Variants in DMAC2L observed in about 807,000 individuals in gnomAD.
DMAC2L encodes the protein distal membrane arm assembly component 2 like.
Under a neutral mutation model 22.5 loss-of-function variants are expected in DMAC2L, and 21 were observed. The observed-to-expected ratio is 0.93, with a 90% CI of 0.66 to 1.34. The LOEUF (loss-of-function observed/expected upper bound fraction) is 1.34, where lower values mean the gene tolerates loss of function less well. Among genes scored for constraint, DMAC2L ranks in the 40% most tolerant of loss-of-function variants. The probability of loss-of-function intolerance (pLI) is 0.00; values close to 1 mark genes in which losing one functional copy is unlikely to be tolerated. For synonymous variants in DMAC2L, 86 were observed against 89.5 expected (o/e 0.96, Z 0.22); for missense variants, 239 against 246.5 (o/e 0.97, Z 0.20).
chr14:50,318,235 G>A (rs959319009), intron 2 of DMAC2L, among the ~76,000 whole-genome samples: 4 of 152,144 alleles, frequency 2.6e-5, no homozygotes, highest in African/African-American at 9.7e-5. Flanking sequence ...TATAGAAAGC[G>A]TTCCCAAAGG....
intron 2 of DMAC2L, among the ~76,000 whole-genome samples, chr14:50,319,791 G>A (rs1405108407): frequency 6.6e-6 from 1 of 152,120 alleles, no homozygotes; most frequent in Non-Finnish European, 1.5e-5. Context: ...CTATAACCCT[G>A]TTCTCCTAAT....
At chr14:50,321,995 ATG>A (rs761973341) in intron 3 of DMAC2L, among the ~76,000 whole-genome samples, 5 of 152,222 alleles carry the variant, frequency 3.3e-5, no homozygotes, top group Non-Finnish European at 7.3e-5. Flanking sequence ...ACACTTAGAA[ATG>A]TCATTTTGAA....
chr14:50,312,192 A>ACTTG, upstream of DMAC2L: 7 of 1,604,924 alleles, frequency 4.4e-6, no homozygotes, highest in South Asian at 7.7e-5. Context: ...AGAAGAAGCC[A>ACTTG]CTTGACCCTC....
Position 50,325,884 on chromosome 14 carries a change from C to T in DMAC2L, c.*161C>T. On this transcript the variant is annotated 3_prime_UTR_variant, in exon 6 of 6. Coordinates refer to ENST00000557421, the MANE Select transcript of DMAC2L (RefSeq NM_001382507.1). Reference sequence around the variant, plus strand: ...GTAGAAAATAAATATTCAGACGTGGCTCATTAATGTTACTAAGTTGGAAGT... The same window carrying T: ...GTAGAAAATAAATATTCAGACGTGGTTCATTAATGTTACTAAGTTGGAAGT... The T allele has an allele frequency of 8.6e-6, 11 of 1,284,436 alleles. No homozygotes were observed. The highest frequency in any genetic ancestry group is 9.9e-6 in the Non-Finnish European group (10 of 1,013,146). 79.6% of individuals were successfully genotyped at this position (1,284,436 alleles called of 1,614,324 possible).
chr14:50,325,871 T>C lies in DMAC2L; in HGVS notation c.*148T>C, dbSNP rs192264398. On this transcript the variant is annotated 3_prime_UTR_variant, in exon 6 of 6. Transcript: ENST00000557421. ...GAGTGCATCATATGTAGAAAATAAA[T>C]ATTCAGACGTGGCTCATTAATGTTA... 1 of 1,312,392 alleles carries C rather than the reference T, an allele frequency of 7.6e-7. No homozygotes were observed. The highest frequency in any genetic ancestry group is 3.1e-5 in the East Asian group (1 of 32,278). 81.3% of individuals were successfully genotyped at this position (1,312,392 alleles called of 1,614,324 possible). A position where few individuals can be genotyped will look rare whatever the true frequency, so the allele number is the denominator to read the frequency against.
At position 50,326,056 on chromosome 14, in the gene DMAC2L, C is replaced by A; in HGVS notation, c.*333C>A. 2.5e-6 allele frequency: 1 copy of A among 404,956 alleles called. No individual in the cohort carries two copies. The highest frequency in any genetic ancestry group is 3.4e-6 in the Non-Finnish European group (1 of 296,572). 25.1% of individuals were successfully genotyped at this position (404,956 alleles called of 1,614,324 possible). ...ACCAACCATGGCCAACATGGTGAAA[C>A]CCCATCTCTACTAAAAAAACAAAAT... On this transcript the variant is annotated 3_prime_UTR_variant, in exon 6 of 6. Transcript: ENST00000557421.
rs576798301 is a variant in DMAC2L, at chr14:50,319,411, C to G, written c.-5-2072C>G. The G allele has an allele frequency of 1.7e-5, 25 of 1,439,856 alleles. No individual in the cohort carries two copies. In the South Asian group the frequency reaches 2.8e-4, roughly 16 times the overall value. 89.2% of individuals were successfully genotyped at this position (1,439,856 alleles called of 1,614,324 possible). A position where few individuals can be genotyped will look rare whatever the true frequency, so the allele number is the denominator to read the frequency against. On this transcript the variant is annotated intron_variant, in intron 2 of 5. Coordinates refer to ENST00000557421, the MANE Select transcript of DMAC2L (RefSeq NM_001382507.1). ...CCCTCTCAGGCATCTTTCTAGTCCT[C>G]TTCTTTCTCTTGAATTCCAGAACCA...
chr14:50,313,577 A>T (rs1160699107), intron 1 of DMAC2L, among the ~76,000 whole-genome samples: 1 of 152,222 alleles, frequency 6.6e-6, no homozygotes, highest in Admixed American at 6.5e-5. Context: ...AGAGATGGTT[A>T]TTCAACTTTG....
In DMAC2L at chr14:50,324,107, G is replaced by A. The variant is rs780854333; in HGVS notation, c.479G>A (p.Arg160His). The A allele has an allele frequency of 1.1e-5, 17 of 1,607,446 alleles. No individual in the cohort carries two copies. Among genetic ancestry groups the A allele is most frequent in the African/African-American group, 8.0e-5 (6 of 74,536 alleles). The change falls in exon 5 of 6, where the codon CGT (arginine) becomes CAT (histidine). Residue 160 changes from arginine to histidine, a missense_variant. Arg to His is a conservative substitution (Grantham distance 29). Transcript: ENST00000557421. ...NITDKGIIAL[R>H]HLRNLKYLLL... The stretch of plus-strand genomic sequence containing the variant: ...ACAGACAAAGGCATCATTGCTTTGC[G>A]TCATTTAAGGTAGATGATCAAAGCC...
intron 4 of DMAC2L, 73 bp downstream of exon 4, chr14:50,322,792 C>T (rs750220709): frequency 1.0e-4 from 168 of 1,601,970 alleles, no homozygotes; most frequent in Non-Finnish European, 1.3e-4. Context: ...AGTTGACTCA[C>T]GATTATAGTC....
upstream of DMAC2L, chr14:50,312,099 G>T (rs2139247139): frequency 1.0e-5 from 16 of 1,607,670 alleles, no homozygotes; most frequent in Non-Finnish European, 1.4e-5. Flanking sequence ...CCGGCGAAAA[G>T]CCCGCGGGCC....
In DMAC2L at chr14:50,324,052, G is replaced by T. The variant is rs375349265; in HGVS notation, c.424G>T (p.Glu142Ter). 17 of 1,613,882 alleles carry T rather than the reference G, an allele frequency of 1.1e-5. No individual in the cohort carries two copies. The East Asian group carries it at 3.8e-4, about 36-fold the overall frequency. The change falls in exon 5 of 6, where the codon GAA (glutamate) becomes TAA (stop). Residue 142 changes from glutamate (E) to a stop codon, truncating the protein, a stop_gained. Coordinates refer to ENST00000557421, the MANE Select transcript of DMAC2L (RefSeq NM_001382507.1). LOFTEE classifies it high-confidence loss of function. ...TGAAAATTTACAAAAAACCATATTGGAAATGGAAATAATATCCTGTGGGAA... is the reference window on the plus strand; with the variant it reads ...TGAAAATTTACAAAAAACCATATTGTAAATGGAAATAATATCCTGTGGGAA... Reference protein sequence around the residue: ...QLENLQKTILEMEIISCGNIT... With the variant: ...QLENLQKTIL
intron 5 of DMAC2L, chr14:50,324,358 A>C (rs566503676): frequency 7.7e-6 from 2 of 259,906 alleles, no homozygotes; most frequent in South Asian, 1.8e-4. Context: ...AGCACCTAGC[A>C]TGGTGCCTGC....
chr14:50,318,413 A>T (rs1338395135), intron 2 of DMAC2L, among the ~76,000 whole-genome samples: 1 of 152,186 alleles, frequency 6.6e-6, no homozygotes, highest in Admixed American at 6.5e-5. Flanking sequence ...ATTACAGCCT[A>T]AGTAAATTTG....
At chr14:50,314,665 AG>A (rs1279417609) in intron 2 of DMAC2L, 39 bp downstream of exon 2, 2 of 453,928 alleles carry the variant, frequency 4.4e-6, no homozygotes, top group Admixed American at 2.4e-5. Context: ...TTTTTGAGAC[AG>A]GGTTATGCTC....
At chr14:50,312,489 C>G (rs1362211356) in intron 1 of DMAC2L, 100 bp downstream of exon 1, 1 of 408,744 alleles carries the variant, frequency 2.4e-6, no homozygotes, top group African/African-American at 2.1e-5. Flanking sequence ...AAACCTGGCC[C>G]TTTGGGTCGC....
intron 2 of DMAC2L, among the ~76,000 whole-genome samples, chr14:50,316,701 TATAA>T (rs1257474935): frequency 9.2e-5 from 14 of 152,334 alleles, no homozygotes; most frequent in African/African-American, 3.1e-4. Context: ...ATCAGTTGGC[TATAA>T]GTATTTGGGT....
intron 4 of DMAC2L, chr14:50,322,944 G>A: frequency 7.1e-7 from 1 of 1,399,102 alleles, no homozygotes; most frequent in Non-Finnish European, 9.3e-7. Flanking sequence ...TATGTCTCTA[G>A]TCTTTGGTTT....
upstream of DMAC2L, chr14:50,311,900 A>G (rs868696722): frequency 5.6e-5 from 81 of 1,446,838 alleles, no homozygotes; most frequent in African/African-American, 9.5e-4. Flanking sequence ...CAGGACCCCA[A>G]CCTGCTCTCA....
Sources: gnomAD v4.1 joint callset for allele counts (sites outside exome capture counted in the v4.1 genomes callset) on GRCh38, gnomAD v4.1.1 for gene constraint, MANE v1.5 for transcripts, NCBI Gene and HGNC (gene_info 2026-07-23, HGNC 2026-07-21) for gene names.